Variants in ZEB1 observed in about 807,000 individuals in gnomAD.
The protein encoded by ZEB1 is zinc finger E-box-binding homeobox 1.
In ZEB1, 21 loss-of-function variants were observed where a neutral mutation model predicts 84.9. The ratio of observed to expected loss-of-function variants is 0.25; its 90% CI spans 0.18 to 0.36. The LOEUF (loss-of-function observed/expected upper bound fraction) is 0.36, where lower values mean the gene tolerates loss of function less well. ZEB1 is among the 10% of genes least tolerant of loss of function. ZEB1 has a pLI of 1.00. For missense variants in ZEB1, 1,104 were observed against 1,330.2 expected, an observed-to-expected ratio of 0.83 and a Z score of 2.65; for synonymous variants, 420 against 471.1, an observed-to-expected ratio of 0.89 and a Z score of 1.41.
intron 2 of ZEB1, among the ~76,000 whole-genome samples, chr10:31,482,281 A>T (rs1027704259): frequency 3.9e-5 from 6 of 152,070 alleles, no homozygotes; most frequent in African/African-American, 1.2e-4. Context: ...AGAGAAATCC[A>T]AGTTGAGGGG....
intron 1 of ZEB1, among the ~76,000 whole-genome samples, chr10:31,410,658 A>G (rs534022194): frequency 6.6e-6 from 1 of 152,268 alleles, no homozygotes; most frequent in African/African-American, 2.4e-5. Context: ...TTGGTAGGCT[A>G]TTAATTACTG....
chr10:31,355,221 A>C (rs1193966049), intron 1 of ZEB1: 1 of 152,174 alleles, frequency 6.6e-6, no homozygotes, highest in African/African-American at 2.4e-5. Flanking sequence ...TGAGCCCTAA[A>C]GTCATACAGC....
chr10:31,425,217 T>C (rs746208607), intron 1 of ZEB1, among the ~76,000 whole-genome samples: 1 of 152,030 alleles, frequency 6.6e-6, no homozygotes, highest in Non-Finnish European at 1.5e-5. Context: ...TTTGAATCAA[T>C]TGAATTTGAG....
chr10:31,359,739 T>C (rs1185784209), intron 1 of ZEB1, among the ~76,000 whole-genome samples: 2 of 152,184 alleles, frequency 1.3e-5, no homozygotes, highest in African/African-American at 2.4e-5. Context: ...TATTCATCTT[T>C]ATTCATAGCA....
At position 31,386,625 on chromosome 10, in the gene ZEB1, G is replaced by GT. The variant is rs2048687528; in HGVS notation, c.58+67335dup. On this transcript the variant is annotated intron_variant, in intron 1 of 8. Transcript: ENST00000424869. ...TACATTCTAGTAGATTGATTCTACT[G>GT]TTGATTCATACTAAATTAATTTATT... 1.3e-5 allele frequency among the ~76,000 whole-genome samples: 2 copies of GT among 152,034 alleles called. 1 individual carries two copies. Among genetic ancestry groups the GT allele is most frequent in the South Asian group, 4.1e-4 (2 of 4,822 alleles).
chr10:31,372,685 G>A (rs552744512), intron 1 of ZEB1, among the ~76,000 whole-genome samples: 1 of 152,032 alleles, frequency 6.6e-6, no homozygotes, highest in South Asian at 2.1e-4. Context: ...AGACATTACA[G>A]TTAGCTTTTA....
chr10:31,460,069 T>C (rs576367289), intron 1 of ZEB1, among the ~76,000 whole-genome samples: 1 of 152,082 alleles, frequency 6.6e-6, no homozygotes, highest in African/African-American at 2.4e-5. Context: ...ACCCTGAAAG[T>C]AGTTTAAAAG....
At chr10:31,346,704 C>T (rs74391884) in intron 1 of ZEB1, among the ~76,000 whole-genome samples, 2,442 of 152,006 alleles carry the variant, frequency 0.016, 54 homozygotes, top group African/African-American at 0.056. Flanking sequence ...AAAAATACCA[C>T]CGTTTTTTCG....
intron 1 of ZEB1, among the ~76,000 whole-genome samples, chr10:31,439,805 C>T (rs781418598): frequency 4.6e-5 from 7 of 152,038 alleles, no homozygotes; most frequent in Admixed American, 1.3e-4. Context: ...TGCAGTGAGC[C>T]GGGGTAAAGT....
chr10:31,324,927 A>T (rs1387995517), intron 1 of ZEB1, among the ~76,000 whole-genome samples: 1 of 152,058 alleles, frequency 6.6e-6, no homozygotes, highest in Non-Finnish European at 1.5e-5. Flanking sequence ...ATTAAATTTG[A>T]TCTATTATGT....
intron 1 of ZEB1, chr10:31,320,654 G>C (rs1012843254): frequency 3.3e-5 from 5 of 151,354 alleles, no homozygotes; most frequent in Non-Finnish European, 5.9e-5. Flanking sequence ...ACCTGAACAT[G>C]TGGTGGTGGT....
At chr10:31,330,365 G>T (rs1386160378) in intron 1 of ZEB1, among the ~76,000 whole-genome samples, 1 of 152,172 alleles carries the variant, frequency 6.6e-6, no homozygotes, top group Admixed American at 6.5e-5. Flanking sequence ...CCTAGTTGGG[G>T]TTTTCAAGGT....
At chr10:31,429,691 A>G (rs1035866365) in intron 1 of ZEB1, among the ~76,000 whole-genome samples, 5 of 151,776 alleles carry the variant, frequency 3.3e-5, no homozygotes, top group African/African-American at 1.2e-4. Flanking sequence ...GTTAAAAAAA[A>G]AAAAAAGCCA....
chr10:31,513,422 A>G (rs1324365881), intron 5 of ZEB1, among the ~76,000 whole-genome samples: 3 of 152,214 alleles, frequency 2.0e-5, no homozygotes, highest in Non-Finnish European at 4.4e-5. Context: ...TCAGATCTCT[A>G]TCACCTTCCA....
At chr10:31,391,175 G>A (rs140768149) in intron 1 of ZEB1, among the ~76,000 whole-genome samples, 1 of 152,122 alleles carries the variant, frequency 6.6e-6, no homozygotes, top group Non-Finnish European at 1.5e-5. Context: ...ACCCAAGAGT[G>A]TGGGGATGTT....
At chr10:31,439,337 G>A (rs1430957047) in intron 1 of ZEB1, among the ~76,000 whole-genome samples, 1 of 152,052 alleles carries the variant, frequency 6.6e-6, no homozygotes, top group Non-Finnish European at 1.5e-5. Context: ...TAATTTGCAC[G>A]GTGCCAAGAA....
At chr10:31,410,321 G>T (rs1233647114) in intron 1 of ZEB1, among the ~76,000 whole-genome samples, 1 of 151,882 alleles carries the variant, frequency 6.6e-6, no homozygotes, top group Admixed American at 6.6e-5. Context: ...TGATTGATTT[G>T]CATGTGTTGC....
In ZEB1 at chr10:31,484,641, T is replaced by G. The variant is rs190491488; in HGVS notation, c.260-11135T>G. On this transcript the variant is annotated intron_variant, in intron 2 of 8. Transcript: ENST00000424869. ...ACTTCGGATATTTTACTTAACTGAT[T>G]AGGGTCAAAATGTTTAGCAAGCCTA... Among the ~76,000 whole-genome samples, 37 of 152,046 alleles carry G rather than the reference T, an allele frequency of 2.4e-4. No individual in the cohort carries two copies. The East Asian group carries it at 7.0e-3, about 29-fold the overall frequency.
chr10:31,319,544 C>G, intron 1 of ZEB1: 1 of 518,044 alleles, frequency 1.9e-6, no homozygotes, highest in African/African-American at 2.1e-5. Flanking sequence ...CGGCTCCCGC[C>G]GCCCCTGCCG....
Sources: gnomAD v4.1 joint callset for allele counts (sites outside exome capture counted in the v4.1 genomes callset) on GRCh38, gnomAD v4.1.1 for gene constraint, MANE v1.5 for transcripts, NCBI Gene and HGNC (gene_info 2026-07-23, HGNC 2026-07-21) for gene names.